PDE8B: variants seen among roughly 807,000 people sequenced by gnomAD.
PDE8B encodes the protein high affinity cAMP-specific and IBMX-insensitive 3',5'-cyclic phosphodiesterase 8B.
In PDE8B, 26 loss-of-function variants were observed where a neutral mutation model predicts 101.3. The ratio of observed to expected loss-of-function variants is 0.26; its 90% confidence interval spans 0.19 to 0.36. PDE8B has a LOEUF of 0.36. Ranked by LOEUF, PDE8B falls within the 10% of genes least tolerant of loss-of-function variation. The pLI, the probability that PDE8B is intolerant of heterozygous loss-of-function variation, is 1.00. For synonymous variants in PDE8B, 424 were observed against 429.3 expected, an observed-to-expected ratio of 0.99 and a Z score of 0.15; for missense variants, 810 against 1,163.1, an observed-to-expected ratio of 0.70 and a Z score of 4.42.
the PDE8B span, among the ~76,000 whole-genome samples, chr5:77,093,056 G>C: frequency 5.9e-5 from 9 of 152,258 alleles, no homozygotes; most frequent in Non-Finnish European, 8.8e-5. Flanking sequence ...TTTCTTTCTT[G>C]GGCTGTTTTT....
chr5:77,125,516 C>T, the PDE8B span, among the ~76,000 whole-genome samples: 6 of 152,184 alleles, frequency 3.9e-5, no homozygotes, highest in African/African-American at 1.2e-4. Context: ...TGTACACCAA[C>T]GTCCACGGAA....
chr5:77,190,984 G>C, the PDE8B span, among the ~76,000 whole-genome samples: 1 of 152,192 alleles, frequency 6.6e-6, no homozygotes, highest in African/African-American at 2.4e-5. Flanking sequence ...CAGTTCAGAA[G>C]GTTAGAAGTC....
At chr5:77,161,458 A>G in the PDE8B span, among the ~76,000 whole-genome samples, 1 of 152,044 alleles carries the variant, frequency 6.6e-6, no homozygotes, top group Non-Finnish European at 1.5e-5. Flanking sequence ...CCATTCACCT[A>G]TTGATGAACA....
the PDE8B span, among the ~76,000 whole-genome samples, chr5:77,130,478 T>C: frequency 0.17 from 25,744 of 152,002 alleles, 2,712 homozygotes; most frequent in East Asian, 0.47. Context: ...AGAACACTTA[T>C]TTTCTTCCAA....
chr5:77,089,758 G>C, the PDE8B span, among the ~76,000 whole-genome samples: 3 of 152,154 alleles, frequency 2.0e-5, no homozygotes, highest in Non-Finnish European at 4.4e-5. Flanking sequence ...GAAAACTAAA[G>C]ATAGAACTAT....
chr5:77,346,575 A>T (rs1180523069), intron 7 of PDE8B, among the ~76,000 whole-genome samples: 2 of 152,168 alleles, frequency 1.3e-5, no homozygotes, highest in Non-Finnish European at 2.9e-5. Flanking sequence ...TAATATTGTG[A>T]TGGTGTCACA....
chr5:77,096,689 A>C, the PDE8B span, among the ~76,000 whole-genome samples: 1 of 152,110 alleles, frequency 6.6e-6, no homozygotes, highest in African/African-American at 2.4e-5. Flanking sequence ...GGGGACAAAA[A>C]CATTTAAACC....
At chr5:77,164,086 A>G in the PDE8B span, among the ~76,000 whole-genome samples, 1 of 152,238 alleles carries the variant, frequency 6.6e-6, no homozygotes, top group Admixed American at 6.5e-5. Context: ...AGTCCTTGGA[A>G]GAAGAAGAGG....
intron 1 of PDE8B, among the ~76,000 whole-genome samples, chr5:77,306,245 T>C (rs1057431221): frequency 6.6e-6 from 1 of 152,180 alleles, no homozygotes; most frequent in South Asian, 2.1e-4. Context: ...GGAAGAGCAG[T>C]GCACTGGGAG....
the PDE8B span, among the ~76,000 whole-genome samples, chr5:77,171,979 C>T: frequency 1.3e-5 from 2 of 152,178 alleles, no homozygotes; most frequent in Non-Finnish European, 2.9e-5. Context: ...CTATCCAGCA[C>T]AATCCTTTCT....
intron 1 of PDE8B, among the ~76,000 whole-genome samples, chr5:77,264,215 A>C (rs2149722314): frequency 6.6e-6 from 1 of 152,352 alleles, no homozygotes; most frequent in South Asian, 2.1e-4. Context: ...TATTATGAAT[A>C]ATGTTAATAT....
chr5:77,140,388 C>T, the PDE8B span: 4 of 152,092 alleles, frequency 2.6e-5, no homozygotes, highest in Non-Finnish European at 5.9e-5. Context: ...ATTTTATTGG[C>T]CTGCAAGGGT....
At position 77,336,977 on chromosome 5, in the gene PDE8B, C is replaced by T. The variant is rs1778309939; in HGVS notation, c.709-250C>T. Among the ~76,000 whole-genome samples the T allele has an allele frequency of 2.6e-5, 4 of 152,194 alleles. No individual in the cohort carries two copies. The South Asian group carries it at 8.3e-4, about 31-fold the overall frequency. ...TGGGCAGGCATTCCGTGCTCTAGAGCATTCATAATGTAGTTTATTCTACCT... is the reference window on the plus strand; with the variant it reads ...TGGGCAGGCATTCCGTGCTCTAGAGTATTCATAATGTAGTTTATTCTACCT... On this transcript the variant is annotated intron_variant, in intron 5 of 21. Transcript: ENST00000264917.
intron 11 of PDE8B, among the ~76,000 whole-genome samples, chr5:77,400,732 G>A (rs938470628): frequency 2.0e-5 from 3 of 152,186 alleles, no homozygotes; most frequent in African/African-American, 7.2e-5. Context: ...GAAGCACCAA[G>A]TTCCTATTTC....
chr5:77,360,120 T>A (rs1050700381), intron 10 of PDE8B, among the ~76,000 whole-genome samples: 11 of 150,508 alleles, frequency 7.3e-5, no homozygotes, highest in Non-Finnish European at 1.2e-4. Flanking sequence ...AAAAGTAAGA[T>A]AGGTTTGGTA....
intron 1 of PDE8B, among the ~76,000 whole-genome samples, chr5:77,220,366 G>T (rs1391105916): frequency 6.6e-6 from 1 of 152,216 alleles, no homozygotes; most frequent in Non-Finnish European, 1.5e-5. Flanking sequence ...GTAGAGGGGA[G>T]TTTTGCAGAC....
At chr5:77,393,710 C>T (rs1790431534) in intron 10 of PDE8B, among the ~76,000 whole-genome samples, 1 of 152,094 alleles carries the variant, frequency 6.6e-6, no homozygotes, top group South Asian at 2.1e-4. Flanking sequence ...ATTTTAAAAG[C>T]CTTGAGACTA....
chr5:77,097,711 A>ATATATATATCTATATATATATATC, the PDE8B span, among the ~76,000 whole-genome samples: 1 of 35,422 alleles, frequency 2.8e-5, no homozygotes, highest in Non-Finnish European at 1.0e-4. Flanking sequence ...ATATATCTAT[A>ATATATATATCTATATATATATATC]TATATATATA....
intron 17 of PDE8B, among the ~76,000 whole-genome samples, chr5:77,417,095 C>T (rs1377376825): frequency 6.6e-6 from 1 of 151,998 alleles, no homozygotes; most frequent in Non-Finnish European, 1.5e-5. Flanking sequence ...CCATGTTATC[C>T]GATATGGTAG....
Sources: gnomAD v4.1 joint callset for allele counts (sites outside exome capture counted in the v4.1 genomes callset) on GRCh38, gnomAD v4.1.1 for gene constraint, MANE v1.5 for transcripts, NCBI Gene and HGNC (gene_info 2026-07-23, HGNC 2026-07-21) for gene names.